PCF11: variants seen among roughly 807,000 people sequenced by gnomAD.
The protein encoded by PCF11 is pre-mRNA cleavage complex 2 protein Pcf11.
PCF11 carries 19 observed loss-of-function variants against 166.1 expected under a neutral mutation model. The ratio of observed to expected loss-of-function variants is 0.11; its 90% confidence interval spans 0.08 to 0.17. PCF11 has a LOEUF of 0.17. Ranked by LOEUF, PCF11 falls within the 10% of genes least tolerant of loss-of-function variation. The pLI, the probability that PCF11 is intolerant of heterozygous loss-of-function variation, is 1.00. For synonymous variants in PCF11, 663 were observed against 644.1 expected (o/e 1.03, Z -0.44); for missense variants, 1,565 against 1,855.5 (o/e 0.84, Z 2.88).
intron 2 of PCF11, among the ~76,000 whole-genome samples, chr11:83,163,372 AC>A (rs1162438393): frequency 6.6e-6 from 1 of 152,084 alleles, no homozygotes; most frequent in Non-Finnish European, 1.5e-5. Flanking sequence ...TAGTTGTCTT[AC>A]ATTTTTTTTT....
chr11:83,169,314 C>G, exon 8 of PCF11: 1 of 1,611,650 alleles, frequency 6.2e-7, no homozygotes, highest in Non-Finnish European at 8.5e-7. Flanking sequence ...GGGTTGGTAT[C>G]AGGTTTGAAG....
At chr11:83,184,810 T>A in exon 16 of PCF11, 1 of 1,607,132 alleles carries the variant, frequency 6.2e-7, no homozygotes, top group Non-Finnish European at 8.5e-7. Context: ...AAGAACGAAT[T>A]GATACACCAC....
At chr11:83,187,121 A>T (rs530236934) in exon 16 of PCF11, 1 of 152,414 alleles carries the variant, frequency 6.6e-6, no homozygotes, top group Non-Finnish European at 1.5e-5. Context: ...GCAGTGGCAC[A>T]ATCTCGGCTC....
At chr11:83,171,336 T>A in intron 8 of PCF11, 1 of 452,712 alleles carries the variant, frequency 2.2e-6, no homozygotes, top group Non-Finnish European at 4.4e-6. Flanking sequence ...TTTTGATATC[T>A]GTGGAAAAGT....
intron 13 of PCF11, 77 bp downstream of exon 13, chr11:83,182,086 C>A: frequency 8.9e-7 from 1 of 1,127,862 alleles, no homozygotes; most frequent in Non-Finnish European, 1.2e-6. Context: ...ATAAACACAT[C>A]ACTATATTTA....
At chr11:83,183,171 C>CTT in intron 15 of PCF11, 98 bp downstream of exon 15, 2 of 676,612 alleles carry the variant, frequency 3.0e-6, no homozygotes, top group Non-Finnish European at 4.9e-6. Flanking sequence ...TTATTTTAAA[C>CTT]TTAATATATT....
At chr11:83,176,240 A>T (rs1860874344) in intron 9 of PCF11, among the ~76,000 whole-genome samples, 1 of 152,212 alleles carries the variant, frequency 6.6e-6, no homozygotes, top group African/African-American at 2.4e-5. Context: ...CAGTGTTGTC[A>T]GCATTTGTTT....
At chr11:83,181,288 TTAAG>T (rs1194150749) in intron 12 of PCF11, 97 bp downstream of exon 12, 18 of 374,556 alleles carry the variant, frequency 4.8e-5, no homozygotes, top group Non-Finnish European at 6.9e-5. Context: ...TTAATTTTAA[TTAAG>T]TAATTTAATA....
At chr11:83,175,165 T>G (rs1860832758) in intron 9 of PCF11, among the ~76,000 whole-genome samples, 1 of 152,184 alleles carries the variant, frequency 6.6e-6, no homozygotes, top group Non-Finnish European at 1.5e-5. Context: ...TAGGGTCTTC[T>G]TGCTCTTTTG....
chr11:83,171,493 G>T (rs561547134), intron 8 of PCF11, among the ~76,000 whole-genome samples: 32 of 152,314 alleles, frequency 2.1e-4, no homozygotes, highest in Admixed American at 9.8e-4. Flanking sequence ...AAGTAACACA[G>T]CTAGTTACCT....
chr11:83,171,992 G>A, intron 9 of PCF11, 78 bp downstream of exon 9: 1 of 748,520 alleles, frequency 1.3e-6, no homozygotes, highest in Non-Finnish European at 2.4e-6. Flanking sequence ...GTGAATTTTA[G>A]GAAATGACAG....
At chr11:83,164,439 C>T in intron 4 of PCF11, 38 bp downstream of exon 4, 1 of 1,465,460 alleles carries the variant, frequency 6.8e-7, no homozygotes, top group Non-Finnish European at 9.4e-7. Context: ...TATTTTAAAC[C>T]TGTCTAACAA....
exon 16 of PCF11, chr11:83,184,978 G>T: frequency 3.6e-6 from 3 of 822,790 alleles, no homozygotes; most frequent in South Asian, 1.8e-5. Flanking sequence ...TGTATATATA[G>T]ACATATCTAT....
At chr11:83,183,012 ATTT>A (rs1250410450) in intron 14 of PCF11, 23 bp from the exon 15 acceptor site, 1 of 1,279,708 alleles carries the variant, frequency 7.8e-7, no homozygotes, top group Non-Finnish European at 1.1e-6. Flanking sequence ...ATACGCACAT[ATTT>A]ACTTTTTTTC....
chr11:83,165,866 C>A, exon 5 of PCF11: 4 of 1,606,294 alleles, frequency 2.5e-6, no homozygotes, highest in Non-Finnish European at 3.4e-6. Flanking sequence ...ACACATTAAA[C>A]CAGTCTGATA....
At position 83,161,573 on chromosome 11, in the gene PCF11, A is replaced by G. The variant is rs1006822913; in HGVS notation, c.318+121A>G. 5.9e-6 allele frequency: 4 copies of G among 672,632 alleles called. No individual in the cohort carries two copies. The African/African-American group carries it at 7.6e-5, about 13-fold the overall frequency. The allele number at this position is 672,632 out of a possible 1,614,324, so 41.7% of individuals were successfully genotyped here. ...AAATGTTTTATACTTTTGGACATTT[A>G]TCGTTAGTACCATTTCAAAGAAAGA... On this transcript the variant is annotated intron_variant, in intron 2 of 15. Coordinates refer to ENST00000298281, the Ensembl canonical transcript of PCF11.
At chr11:83,181,292 G>C (rs1410380889) in intron 12 of PCF11, 101 bp downstream of exon 12, 2 of 364,144 alleles carry the variant, frequency 5.5e-6, no homozygotes, top group African/African-American at 4.3e-5. Flanking sequence ...TTTTAATTAA[G>C]TAATTTAATA....
chr11:83,183,689 C>A, intron 15 of PCF11, among the ~76,000 whole-genome samples: 1 of 151,760 alleles, frequency 6.6e-6, no homozygotes, highest in East Asian at 2.0e-4. Flanking sequence ...AGGGTTTCAC[C>A]ACATTGGTCA....
At chr11:83,179,809 C>T (rs1482871205) in intron 11 of PCF11, among the ~76,000 whole-genome samples, 9 of 150,986 alleles carry the variant, frequency 6.0e-5, no homozygotes, top group African/African-American at 9.7e-5. Flanking sequence ...CCCAGCTACT[C>T]GGGAGGCTGA....
Sources: gnomAD v4.1 joint callset for allele counts (sites outside exome capture counted in the v4.1 genomes callset) on GRCh38, gnomAD v4.1.1 for gene constraint, MANE v1.5 for transcripts, NCBI Gene and HGNC (gene_info 2026-07-23, HGNC 2026-07-21) for gene names.